Variants in AGXT observed in about 807,000 individuals in gnomAD.
AGXT encodes the protein L-alanine: glyoxylate aminotransferase 1.
AGXT carries 41 observed loss-of-function variants against 46.9 expected under a neutral mutation model. The observed-to-expected ratio is 0.88, with a 90% confidence interval of 0.68 to 1.14. The LOEUF is 1.14. Among genes scored for constraint, AGXT ranks in the 50% most tolerant of loss-of-function variants. The pLI is 0.00. For missense variants in AGXT, 525 were observed against 522.7 expected, an observed-to-expected ratio of 1.00 and a Z score of -0.04; for synonymous variants, 244 against 227.9, an observed-to-expected ratio of 1.07 and a Z score of -0.64.
rs76374050 is a variant in AGXT at position 240,870,104 on chromosome 2, G to A, written c.359-540G>A. On this transcript the variant is annotated intron_variant, in intron 2 of 10. Transcript: ENST00000307503. ...TTTTCCCCATTCTGTCCCCTTGGCC[G>A]CAGGTTCTTCCCCTCCCACAACCTG... 4.6e-3 allele frequency among the ~76,000 whole-genome samples: 695 copies of A among 152,254 alleles called. 22 individuals are homozygous for A. In the East Asian group the frequency reaches 0.072, roughly 16 times the overall value.
At chr2:240,878,195 C>G (rs973591671) in intron 10 of AGXT, 45 bp downstream of exon 10, 3 of 1,607,986 alleles carry the variant, frequency 1.9e-6, no homozygotes, top group Non-Finnish European at 2.5e-6. Context: ...ACCAAACCCG[C>G]CACCCCTCCT....
At chr2:240,872,283 G>A (rs895265657) in intron 4 of AGXT, among the ~76,000 whole-genome samples, 72 of 149,500 alleles carry the variant, frequency 4.8e-4, no homozygotes, top group Non-Finnish European at 7.8e-4. Context: ...GTGAGAGTTC[G>A]TGAACATGCA....
intron 8 of AGXT, chr2:240,877,210 C>A: frequency 1.9e-6 from 1 of 525,142 alleles, no homozygotes; most frequent in Non-Finnish European, 3.7e-6. Context: ...CCCTGATCCA[C>A]TCCAGCCCTG....
At position 240,870,562 on chromosome 2, in the gene AGXT, T is replaced by G. The variant is rs1171493449; in HGVS notation, c.359-82T>G. On this transcript the variant is annotated intron_variant, in intron 2 of 10. Coordinates refer to ENST00000307503, the MANE Select transcript of AGXT (RefSeq NM_000030.3). ...GTGGGGTCCAGCCCTCACAGGGCCC[T>G]GCTCAGCAGGGCCACGGGTGCCCAA... 5.3e-6 allele frequency: 8 copies of G among 1,511,756 alleles called. No homozygotes were observed. The African/African-American group carries it at 1.1e-4, about 21-fold the overall frequency. 93.6% of individuals were successfully genotyped at this position (1,511,756 alleles called of 1,614,324 possible). A position where few individuals can be genotyped will look rare whatever the true frequency, so the allele number is the denominator to read the frequency against.
chr2:240,876,039 C>T (rs1418432557), intron 8 of AGXT, 35 bp downstream of exon 8: 1 of 1,608,548 alleles, frequency 6.2e-7, no homozygotes, highest in African/African-American at 1.3e-5. Flanking sequence ...GGAGACAGGG[C>T]CACTGGCTGG....
At position 240,871,351 on chromosome 2, in the gene AGXT, C is replaced by T; in HGVS notation, c.426C>T (p.Gly142=). Residue 142 remains glycine (G), a splice_region_variant and synonymous_variant, in exon 4 of 11, where the codon GGC becomes GGT. Transcript: ENST00000307503. ...CACAGCCGTCCCTGCTTCCTCAGGG[C>T]CTGGCCCAGCACAAGCCAGTGCTGC... ...GHYTLQEVEE[G]LAQHKPVLLF... is the part of the protein sequence containing the mutation. 1 of 1,577,252 alleles carries T rather than the reference C, an allele frequency of 6.3e-7. No homozygotes were observed. The highest frequency in any genetic ancestry group is 1.2e-5 in the South Asian group (1 of 86,018).
In AGXT at chr2:240,878,832, G is replaced by T. The variant is rs1292019173; in HGVS notation, c.*11G>T. 1 of 1,576,294 alleles carries T rather than the reference G, an allele frequency of 6.3e-7. No homozygotes were observed. Among genetic ancestry groups the T allele is most frequent in the Non-Finnish European group, 8.6e-7 (1 of 1,163,412 alleles). Reference sequence around the variant, plus strand: ...AAGAAGAAGCTGTGACCTGCCCACTGGCACACAGCTGGCACTGGCACACAC... The same window carrying T: ...AAGAAGAAGCTGTGACCTGCCCACTTGCACACAGCTGGCACTGGCACACAC... On this transcript the variant is annotated 3_prime_UTR_variant, in exon 11 of 11. Coordinates refer to ENST00000307503, the MANE Select transcript of AGXT (RefSeq NM_000030.3).
At position 240,879,404 on chromosome 2, in the gene AGXT, GAC is replaced by G. The variant is rs1295468975; in HGVS notation, c.*586_*587del. ...GCGCACAGCCAGGACCTGAGCCCAT[GAC>G]ACGTGGAAGCCTCCAATGGAAGGTC... On this transcript the variant is annotated 3_prime_UTR_variant, in exon 11 of 11. Coordinates refer to ENST00000307503, the MANE Select transcript of AGXT (RefSeq NM_000030.3). 1 of 157,708 alleles carries G rather than the reference GAC, an allele frequency of 6.3e-6. No individual in the cohort carries two copies. Among genetic ancestry groups the G allele is most frequent in the African/African-American group, 2.4e-5 (1 of 41,510 alleles). 9.8% of individuals were successfully genotyped at this position (157,708 alleles called of 1,614,324 possible).
chr2:240,877,917 G>C, intron 9 of AGXT, 105 bp from the exon 10 acceptor site: 1 of 1,512,628 alleles, frequency 6.6e-7, no homozygotes, highest in South Asian at 1.1e-5. Flanking sequence ...TTCTCCCCCG[G>C]CTCCTCTGGA....
In AGXT at chr2:240,872,957, A is replaced by G. The variant is rs758154048; in HGVS notation, c.525-22A>G. On this transcript the variant is annotated intron_variant, in intron 4 of 10. Coordinates refer to ENST00000307503, the MANE Select transcript of AGXT (RefSeq NM_000030.3). Reference sequence around the variant, plus strand: ...CCCCCTGCCTCACCTGCTGCCCTCCATTCTGTCCCCCACCTCTCCAGGTAC... The same window carrying G: ...CCCCCTGCCTCACCTGCTGCCCTCCGTTCTGTCCCCCACCTCTCCAGGTAC... 3 of 1,611,970 alleles carry G rather than the reference A, an allele frequency of 1.9e-6. No individual in the cohort carries two copies. The South Asian group carries it at 3.3e-5, about 18-fold the overall frequency.
chr2:240,874,108 AG>A (rs777800220), intron 6 of AGXT, 46 bp downstream of exon 6: 1 of 1,591,394 alleles, frequency 6.3e-7, no homozygotes, highest in South Asian at 1.1e-5. Context: ...CTGGGCTTGC[AG>A]GGAGCTCAGG....
At chr2:240,869,488 G>T (rs950713267) in intron 2 of AGXT, 126 bp downstream of exon 2, 6 of 1,163,966 alleles carry the variant, frequency 5.2e-6, no homozygotes, top group Non-Finnish European at 5.9e-6. Context: ...GGCCCTGTGC[G>T]CACGAACCTC....
intron 4 of AGXT, among the ~76,000 whole-genome samples, chr2:240,872,221 C>G (rs1036920616): frequency 7.1e-6 from 1 of 140,160 alleles, no homozygotes; most frequent in South Asian, 2.3e-4. Flanking sequence ...GGTGAGAGTT[C>G]GTGAACATGT....
At chr2:240,871,946 G>T (rs1384014325) in intron 4 of AGXT, among the ~76,000 whole-genome samples, 1 of 152,254 alleles carries the variant, frequency 6.6e-6, no homozygotes, top group Non-Finnish European at 1.5e-5. Flanking sequence ...GGACAGAGGA[G>T]AGAAACTCCA....
intron 6 of AGXT, among the ~76,000 whole-genome samples, chr2:240,874,604 G>A (rs1014303513): frequency 4.6e-5 from 7 of 152,216 alleles, no homozygotes; most frequent in African/African-American, 1.7e-4. Context: ...TCAGGAATTC[G>A]GTGTTGGACG....
In AGXT at chr2:240,877,596, G is replaced by A. The variant is rs2059033717; in HGVS notation, c.906G>A (p.Leu302=). Residue 302 remains leucine (L), a synonymous_variant, in exon 9 of 11, where the codon CTG becomes CTA. Coordinates refer to ENST00000307503, the MANE Select transcript of AGXT (RefSeq NM_000030.3). ...CCGCGGCGTATCTGCATGGGCGCCT[G>A]CAGGCACTGGGGCTGCAGCTCTTCG... ...REAAAYLHGR[L]QALGLQLFVK... 1.3e-6 allele frequency: 2 copies of A among 1,550,966 alleles called. No individual in the cohort carries two copies. The highest frequency in any genetic ancestry group is 1.2e-5 in the South Asian group (1 of 84,078).
At position 240,871,510 on chromosome 2, in the gene AGXT, G is replaced by GT. The variant is rs2058990570; in HGVS notation, c.524+62dup. On this transcript the variant is annotated intron_variant, in intron 4 of 10. Transcript: ENST00000307503. ...GCTCAGAGCCAGGCTATGGGGAGGG[G>GT]TGGGCACTGGTCCCTCTGGTCCTTC... 2.8e-6 allele frequency: 4 copies of GT among 1,448,358 alleles called. No individual in the cohort carries two copies. The East Asian group carries it at 9.9e-5, about 36-fold the overall frequency. 89.7% of individuals were successfully genotyped at this position (1,448,358 alleles called of 1,614,324 possible).
intron 2 of AGXT, 22 bp from the exon 3 acceptor site, chr2:240,870,622 G>A: frequency 6.5e-7 from 1 of 1,550,132 alleles, no homozygotes; most frequent in Non-Finnish European, 8.7e-7. Flanking sequence ...GACACTCACG[G>A]CCCACTCTGT....
rs1559568554 is a variant in AGXT at position 240,870,719 on chromosome 2, CG to C, written c.423+15del. The C allele has an allele frequency of 1.9e-6, 3 of 1,546,206 alleles. No homozygotes were observed. The highest frequency in any genetic ancestry group is 2.0e-5 in the Admixed American group (1 of 51,068). ...CAGGAGGTGGAGGAGGTAGGGGACCCGGGGTGGGGGTCAGGGCCGGGAGGAG... is the reference window on the plus strand; with the variant it reads ...CAGGAGGTGGAGGAGGTAGGGGACCCGGGTGGGGGTCAGGGCCGGGAGGAG... On this transcript the variant is annotated intron_variant, in intron 3 of 10. Coordinates refer to ENST00000307503, the MANE Select transcript of AGXT (RefSeq NM_000030.3).
Sources: gnomAD v4.1 joint callset for allele counts (sites outside exome capture counted in the v4.1 genomes callset) on GRCh38, gnomAD v4.1.1 for gene constraint, MANE v1.5 for transcripts, NCBI Gene and HGNC (gene_info 2026-07-23, HGNC 2026-07-21) for gene names.